HMCN1: variants seen among roughly 807,000 people sequenced by gnomAD.
HMCN1 encodes the protein hemicentin-1.
Under a neutral mutation model 625.9 loss-of-function variants are expected in HMCN1, and 321 were observed. The observed-to-expected ratio is 0.51, with a 90% CI of 0.47 to 0.56. HMCN1 has a LOEUF of 0.56. Among genes scored for constraint, HMCN1 ranks in the 20% least tolerant of loss-of-function variants. The pLI, the probability that HMCN1 is intolerant of heterozygous loss-of-function variation, is 0.00. For synonymous variants in HMCN1, 2,425 were observed against 2,417.6 expected (o/e 1.00, Z -0.09); for missense variants, 6,588 against 6,887.3 (o/e 0.96, Z 1.54).
chr1:185,893,415 T>C (rs6689494), intron 4 of HMCN1, among the ~76,000 whole-genome samples: 9,671 of 152,272 alleles, frequency 0.064, 1,077 homozygotes, highest in African/African-American at 0.22. Context: ...GTTTTGCCTT[T>C]CTGACTGGCA....
Position 186,094,256 on chromosome 1 carries a change from T to A in HMCN1, c.10197-20T>A. ...TTGTATGGGAGCAAGTGATGAAATGTGGATCAAATTGTTTCTCAGGATTGT... is the reference window on the plus strand; with the variant it reads ...TTGTATGGGAGCAAGTGATGAAATGAGGATCAAATTGTTTCTCAGGATTGT... On this transcript the variant is annotated intron_variant, in intron 66 of 106. Coordinates refer to ENST00000271588, the MANE Select transcript of HMCN1 (RefSeq NM_031935.3). The A allele has an allele frequency of 6.4e-7, 1 of 1,574,466 alleles. No homozygotes were observed. The highest frequency in any genetic ancestry group is 1.7e-5 in the Admixed American group (1 of 59,784).
chr1:185,848,143 G>T (rs975647619), intron 2 of HMCN1, among the ~76,000 whole-genome samples: 3 of 151,510 alleles, frequency 2.0e-5, no homozygotes, highest in Non-Finnish European at 4.4e-5. Flanking sequence ...AATGCCAACC[G>T]CATTGTCTAT....
At chr1:185,907,991 G>A (rs1666190902) in intron 4 of HMCN1, among the ~76,000 whole-genome samples, 1 of 151,786 alleles carries the variant, frequency 6.6e-6, no homozygotes, top group Non-Finnish European at 1.5e-5. Flanking sequence ...GCACAAAGAA[G>A]TAGGAGATAT....
chr1:185,950,080 A>G (rs1476120065), intron 11 of HMCN1, among the ~76,000 whole-genome samples: 2 of 151,742 alleles, frequency 1.3e-5, no homozygotes, highest in African/African-American at 4.9e-5. Context: ...AACAGGAAAG[A>G]AGGAAATTTG....
Position 186,172,116 on chromosome 1 carries a change from A to T in HMCN1, c.15799A>T (p.Asn5267Tyr). 3 of 1,613,838 alleles carry T rather than the reference A, an allele frequency of 1.9e-6. No homozygotes were observed. In the South Asian group the frequency reaches 3.3e-5, roughly 18 times the overall value. Residue 5267 changes from asparagine to tyrosine, a missense_variant, in exon 102 of 107, where the codon AAT becomes TAT. By Grantham distance (143) the Asn-to-Tyr change is moderately radical. Transcript: ENST00000271588. ...TCCAAATGGAATGACCAAGGCAGAA[A>T]ATGGAACCTGTATTGGTGAGTGTCT... ...LCPNGMTKAENGTCIDIDECK... is the reference protein window; with the variant it reads ...LCPNGMTKAEYGTCIDIDECK...
intron 1 of HMCN1, among the ~76,000 whole-genome samples, chr1:185,766,507 G>A (rs939768620): frequency 7.2e-5 from 11 of 152,086 alleles, no homozygotes; most frequent in Admixed American, 6.6e-4. Flanking sequence ...GAAACTGCAC[G>A]AGTAGTCATT....
intron 4 of HMCN1, among the ~76,000 whole-genome samples, chr1:185,882,817 C>A (rs1159482545): frequency 6.6e-6 from 1 of 151,934 alleles, no homozygotes; most frequent in Non-Finnish European, 1.5e-5. Context: ...TCATATTTGA[C>A]AAAAATCAAG....
intron 36 of HMCN1, among the ~76,000 whole-genome samples, chr1:186,028,968 G>A (rs1352304985): frequency 6.6e-6 from 1 of 151,738 alleles, no homozygotes; most frequent in Non-Finnish European, 1.5e-5. Context: ...CTCGTGATCC[G>A]TGATCCGTCC....
chr1:185,865,726 T>C lies in HMCN1; in HGVS notation c.499-15T>C. 1 of 1,606,722 alleles carries C rather than the reference T, an allele frequency of 6.2e-7. No individual in the cohort carries two copies. The highest frequency in any genetic ancestry group is 2.2e-5 in the East Asian group (1 of 44,744). On this transcript the variant is annotated splice_polypyrimidine_tract_variant and intron_variant, in intron 3 of 106. Transcript: ENST00000271588. ...AAACCCTTTACACTGTTTCTTTTTT[T>C]TTTTTTAATCATAGGTCGTATTTGT... is the stretch of plus-strand genomic sequence containing the variant.
intron 100 of HMCN1, 22 bp from the exon 101 acceptor site, chr1:186,171,315 A>G: frequency 6.5e-7 from 1 of 1,544,308 alleles, no homozygotes; most frequent in Non-Finnish European, 9.0e-7. Flanking sequence ...GCATATAATG[A>G]AAGTTTTGTT....
intron 38 of HMCN1, among the ~76,000 whole-genome samples, chr1:186,039,234 G>C (rs1656040971): frequency 6.6e-6 from 1 of 152,130 alleles, no homozygotes; most frequent in African/African-American, 2.4e-5. Flanking sequence ...TGTTGAAATA[G>C]TCATTGATAC....
chr1:185,777,270 G>A (rs1321951751), intron 1 of HMCN1, among the ~76,000 whole-genome samples: 1 of 152,106 alleles, frequency 6.6e-6, no homozygotes, highest in Non-Finnish European at 1.5e-5. Flanking sequence ...AGGCATCAAT[G>A]CAGAACATTT....
intron 38 of HMCN1, 120 bp downstream of exon 38, chr1:186,039,125 G>A: frequency 1.3e-6 from 1 of 771,096 alleles, no homozygotes; most frequent in Non-Finnish European, 2.3e-6. Context: ...CTTTATGTAA[G>A]GGCACAGTGT....
intron 2 of HMCN1, among the ~76,000 whole-genome samples, chr1:185,858,757 A>G (rs1296272078): frequency 6.6e-6 from 1 of 150,860 alleles, no homozygotes; most frequent in African/African-American, 2.4e-5. Flanking sequence ...GGCCAGCAGT[A>G]ATTTTTTTTT....
At position 186,189,891 on chromosome 1, in the gene HMCN1, A is replaced by G. The variant is rs1244832422; in HGVS notation, c.*13A>G. The G allele has an allele frequency of 1.2e-6, 2 of 1,612,776 alleles. No individual in the cohort carries two copies. The highest frequency in any genetic ancestry group is 3.3e-5 in the Admixed American group (2 of 59,988). On this transcript the variant is annotated 3_prime_UTR_variant, in exon 107 of 107. Transcript: ENST00000271588. ...CTATCCATACTAAGGAACTCTCCAA[A>G]GCCTATTCCACATATTTAAACCGCA...
chr1:185,885,864 T>C (rs1436328389), intron 4 of HMCN1, among the ~76,000 whole-genome samples: 2 of 152,080 alleles, frequency 1.3e-5, no homozygotes, highest in East Asian at 3.9e-4. Context: ...ATGCCAGTAA[T>C]ACTGTGCTTT....
At chr1:186,029,645 T>G (rs902620788) in intron 36 of HMCN1, among the ~76,000 whole-genome samples, 1 of 151,932 alleles carries the variant, frequency 6.6e-6, no homozygotes, top group African/African-American at 2.4e-5. Flanking sequence ...AGCTGAAGTC[T>G]TTTTCATTTT....
intron 42 of HMCN1, 42 bp from the exon 43 acceptor site, chr1:186,052,910 A>T: frequency 6.6e-7 from 1 of 1,510,006 alleles, no homozygotes; most frequent in Non-Finnish European, 9.2e-7. Flanking sequence ...TGAGAATTCT[A>T]TATGAAATGA....
At chr1:185,834,298 G>A (rs1661040534) in intron 1 of HMCN1, among the ~76,000 whole-genome samples, 1 of 152,170 alleles carries the variant, frequency 6.6e-6, no homozygotes, top group South Asian at 2.1e-4. Flanking sequence ...ACTGAGCTGG[G>A]TCCTCTGGCT....
Sources: allele counts gnomAD v4.1 joint callset (sites outside exome capture counted in the v4.1 genomes callset), GRCh38; gene constraint gnomAD v4.1.1; transcripts MANE v1.5; gene names NCBI Gene and HGNC (gene_info 2026-07-23, HGNC 2026-07-21).